CNTNAP4: variants seen among roughly 807,000 people sequenced by gnomAD.
CNTNAP4 encodes contactin associated protein family member 4.
CNTNAP4 carries 98 observed loss-of-function variants against 148.4 expected under a neutral mutation model. That is an observed-to-expected ratio of 0.66 (90% CI 0.56 to 0.78). The LOEUF is 0.78. Ranked by LOEUF, CNTNAP4 falls within the 30% of genes least tolerant of loss-of-function variation. The pLI is 0.00. For synonymous variants in CNTNAP4, 730 were observed against 565.1 expected (o/e 1.29, Z -4.14); for missense variants, 1,935 against 1,565.6 (o/e 1.24, Z -3.98).
chr16:76,356,326 T>G (rs1230897739), intron 3 of CNTNAP4, among the ~76,000 whole-genome samples: 2 of 151,968 alleles, frequency 1.3e-5, no homozygotes, highest in Non-Finnish European at 2.9e-5. Flanking sequence ...TGCATACACA[T>G]GTACGCATAT....
intron 3 of CNTNAP4, among the ~76,000 whole-genome samples, chr16:76,401,828 A>G (rs935626839): frequency 5.3e-5 from 8 of 152,174 alleles, no homozygotes; most frequent in Non-Finnish European, 8.8e-5. Context: ...AGTTCTGTTT[A>G]TGCGATGAAT....
rs562020272 is a variant in CNTNAP4, at chr16:76,441,783, C to A, written c.539-6229C>A. 2.6e-5 allele frequency among the ~76,000 whole-genome samples: 4 copies of A among 152,266 alleles called. No homozygotes were observed. The East Asian group carries it at 7.7e-4, about 29-fold the overall frequency. ...ATTTTTTGCTATGCACCTTTTCCTG[C>A]CCAATATTCTAACAATAAATCCTAG... is the stretch of plus-strand genomic sequence containing the variant. On this transcript the variant is annotated intron_variant, in intron 4 of 23. Coordinates refer to ENST00000611870, the MANE Select transcript of CNTNAP4 (RefSeq NM_033401.5).
chr16:76,553,001 C>G (rs1156868647), intron 21 of CNTNAP4, among the ~76,000 whole-genome samples: 1 of 152,172 alleles, frequency 6.6e-6, no homozygotes. Context: ...TCATGACACC[C>G]TCATCACTTC....
At position 76,494,410 on chromosome 16, in the gene CNTNAP4, A is replaced by C. The variant is rs149626446; in HGVS notation, c.2081-500A>C. ...AATCATGACAAGGGAGTGCCAAATC[A>C]TGCCTAACGTTTTTTAACAGCTAGG... On this transcript the variant is annotated intron_variant, in intron 13 of 23. Transcript: ENST00000611870. Among the ~76,000 whole-genome samples the C allele has an allele frequency of 4.4e-3, 670 of 152,290 alleles. 7 individuals are homozygous for C. Among genetic ancestry groups the C allele is most frequent in the African/African-American group, 0.015 (642 of 41,566 alleles).
chr16:76,478,435 C>T (rs904534293), intron 11 of CNTNAP4, among the ~76,000 whole-genome samples: 2 of 152,082 alleles, frequency 1.3e-5, no homozygotes, highest in African/African-American at 2.4e-5. Context: ...TGGAGAAGTG[C>T]GGAAGTAAAT....
intron 9 of CNTNAP4, among the ~76,000 whole-genome samples, chr16:76,463,811 G>A (rs1338754370): frequency 6.6e-6 from 1 of 151,966 alleles, no homozygotes; most frequent in African/African-American, 2.4e-5. Context: ...TTTTATGCTT[G>A]CTTCATGTGT....
chr16:76,379,804 A>T (rs2015784769), intron 3 of CNTNAP4, among the ~76,000 whole-genome samples: 1 of 152,118 alleles, frequency 6.6e-6, no homozygotes, highest in Admixed American at 6.5e-5. Flanking sequence ...TCTTTTCTTC[A>T]AATTGATTCA....
intron 3 of CNTNAP4, among the ~76,000 whole-genome samples, chr16:76,425,894 A>G (rs1047210955): frequency 6.6e-6 from 1 of 152,152 alleles, no homozygotes; most frequent in Admixed American, 6.5e-5. Context: ...AGTTTAATTT[A>G]CCTCTACAAG....
At chr16:76,382,086 A>G (rs1358939793) in intron 3 of CNTNAP4, among the ~76,000 whole-genome samples, 3 of 150,970 alleles carry the variant, frequency 2.0e-5, no homozygotes, top group African/African-American at 7.3e-5. Flanking sequence ...AAAAAAAAAA[A>G]AAGAGAAAGT....
At position 76,414,795 on chromosome 16, in the gene CNTNAP4, C is replaced by T. The variant is rs150736784; in HGVS notation, c.391-12657C>T. ...TCATTTAAATTTGTAAAATTAGTGG[C>T]ATAATTCGAAATATCATTATCACTC... On this transcript the variant is annotated intron_variant, in intron 3 of 23. Transcript: ENST00000611870. 1.3e-4 allele frequency among the ~76,000 whole-genome samples: 19 copies of T among 151,346 alleles called. No individual in the cohort carries two copies. The East Asian group carries it at 3.7e-3, about 29-fold the overall frequency.
intron 15 of CNTNAP4, among the ~76,000 whole-genome samples, chr16:76,518,336 C>A (rs748631603): frequency 6.6e-6 from 1 of 152,038 alleles, no homozygotes; most frequent in Non-Finnish European, 1.5e-5. Flanking sequence ...CCATGTTGTT[C>A]AGACTGGTCT....
chr16:76,428,174 C>T (rs963477480), intron 4 of CNTNAP4, among the ~76,000 whole-genome samples: 7 of 152,142 alleles, frequency 4.6e-5, no homozygotes, highest in Non-Finnish European at 4.4e-5. Flanking sequence ...CACTTAGTCT[C>T]CTCTTAATGA....
intron 19 of CNTNAP4, 92 bp downstream of exon 19, chr16:76,538,432 T>A: frequency 1.0e-6 from 1 of 973,150 alleles, no homozygotes. Context: ...CTTCTCAAGC[T>A]ACAAACAGAA....
At chr16:76,537,076 T>G (rs773533184) in intron 18 of CNTNAP4, among the ~76,000 whole-genome samples, 54 of 152,316 alleles carry the variant, frequency 3.5e-4, no homozygotes, top group Non-Finnish European at 6.5e-4. Context: ...CATATACTGC[T>G]GGTACCATTC....
intron 3 of CNTNAP4, among the ~76,000 whole-genome samples, chr16:76,394,158 G>A (rs1418441873): frequency 6.6e-6 from 1 of 152,124 alleles, no homozygotes; most frequent in Admixed American, 6.5e-5. Context: ...CTTATCATTT[G>A]GCATTCATCG....
chr16:76,428,685 A>G (rs7203668), intron 4 of CNTNAP4, among the ~76,000 whole-genome samples: 66,076 of 151,758 alleles, frequency 0.44, 14,693 homozygotes, highest in Non-Finnish European at 0.47. Context: ...CATATTTGAC[A>G]GACCTGATTC....
At chr16:76,413,267 C>T (rs906856128) in intron 3 of CNTNAP4, among the ~76,000 whole-genome samples, 2 of 151,458 alleles carry the variant, frequency 1.3e-5, no homozygotes, top group African/African-American at 4.8e-5. Context: ...CTACACTTCT[C>T]AGCCTCTAGT....
At chr16:76,539,901 A>G (rs769305565) in intron 20 of CNTNAP4, 49 bp downstream of exon 20, 4 of 1,406,982 alleles carry the variant, frequency 2.8e-6, no homozygotes, top group Non-Finnish European at 3.8e-6. Context: ...ACTCTCCAGC[A>G]TGAAGGATCT....
intron 3 of CNTNAP4, among the ~76,000 whole-genome samples, chr16:76,378,064 A>T (rs1268900136): frequency 6.6e-6 from 1 of 152,204 alleles, no homozygotes; most frequent in Non-Finnish European, 1.5e-5. Context: ...GAATCCAGAG[A>T]TCACTCTCAA....
Sources: allele counts gnomAD v4.1 joint callset (sites outside exome capture counted in the v4.1 genomes callset), GRCh38; gene constraint gnomAD v4.1.1; transcripts MANE v1.5; gene names NCBI Gene and HGNC (gene_info 2026-07-23, HGNC 2026-07-21).